Variants in TRPA1 observed in about 807,000 individuals in gnomAD.
The protein encoded by TRPA1 is transient receptor potential cation channel subfamily A member 1, also known as ankyrin-like with transmembrane domains 1.
Under a neutral mutation model 131.3 loss-of-function variants are expected in TRPA1, and 129 were observed. The ratio of observed to expected loss-of-function variants is 0.98; its 90% confidence interval spans 0.85 to 1.14. The LOEUF is 1.14. TRPA1 is among the 50% of genes most tolerant of loss of function. The pLI is 0.00. For missense variants in TRPA1, 1,304 were observed against 1,354.2 expected, an observed-to-expected ratio of 0.96 and a Z score of 0.58; for synonymous variants, 441 against 451.7, an observed-to-expected ratio of 0.98 and a Z score of 0.30.
intron 24 of TRPA1, among the ~76,000 whole-genome samples, chr8:72,027,237 T>C (rs1811641430): frequency 6.6e-6 from 1 of 152,106 alleles, no homozygotes; most frequent in Non-Finnish European, 1.5e-5. Flanking sequence ...ATAAAATACA[T>C]AGTGTGTCTT....
intron 21 of TRPA1, 140 bp downstream of exon 21, chr8:72,036,148 T>C: frequency 3.7e-6 from 3 of 819,284 alleles, no homozygotes; most frequent in Non-Finnish European, 5.8e-6. Context: ...CTTTCCTTAA[T>C]AGGGTATACA....
At chr8:72,080,390 GT>G (rs940637403), upstream of TRPA1, among the ~76,000 whole-genome samples, 3 of 99,882 alleles carry the variant, frequency 3.0e-5, no homozygotes, top group Non-Finnish European at 6.7e-5. Context: ...ATGATCACAT[GT>G]TTTTTTCTCA....
rs1231333282 is a variant in TRPA1 at position 72,023,287 on chromosome 8, G to A, written c.3150-171C>T. 20 of 737,708 alleles carry A rather than the reference G, an allele frequency of 2.7e-5. No homozygotes were observed. The East Asian group carries it at 4.8e-4, about 18-fold the overall frequency. The allele number at this position is 737,708 out of a possible 1,614,324, so 45.7% of individuals were successfully genotyped here. A position where few individuals can be genotyped will look rare whatever the true frequency, so the allele number is the denominator to read the frequency against. The stretch of plus-strand genomic sequence containing the variant: ...AAACATGTATTTTTGAAGTTTAAAT[G>A]ATTTTTCCCAAAGTTACACTGTTAG... On this transcript the variant is annotated intron_variant, in intron 26 of 26. Coordinates refer to ENST00000262209, the MANE Select transcript of TRPA1 (RefSeq NM_007332.3).
chr8:72,063,941 CTTTA>C lies in TRPA1; in HGVS notation c.553-374_553-371del. On this transcript the variant is annotated intron_variant, in intron 4 of 26. Coordinates refer to ENST00000262209, the MANE Select transcript of TRPA1 (RefSeq NM_007332.3). Reference sequence around the variant, plus strand: ...AGTGATATATCCTAGATTCTTTTCCCTTTATTTATGCAAAATTAATAAATGAATG... The same window carrying C: ...AGTGATATATCCTAGATTCTTTTCCCTTTATGCAAAATTAATAAATGAATG... 2.0e-5 allele frequency among the ~76,000 whole-genome samples: 3 copies of C among 152,116 alleles called. 1 individual carries two copies. The highest frequency in any genetic ancestry group is 6.8e-3 in the Middle Eastern group (2 of 294).
At chr8:72,069,297 T>G in intron 2 of TRPA1, 99 bp from the exon 3 acceptor site, 1 of 1,157,734 alleles carries the variant, frequency 8.6e-7, no homozygotes, top group Admixed American at 1.8e-5. Flanking sequence ...CAAGTGCAAA[T>G]GAAATCAGCT....
intron 23 of TRPA1, 131 bp from the exon 24 acceptor site, chr8:72,030,100 G>A: frequency 3.5e-6 from 3 of 868,774 alleles, no homozygotes; most frequent in Middle Eastern, 4.7e-4. Context: ...AATAGCATAA[G>A]TTAATTGCTT....
At chr8:72,056,719 T>C (rs1805675253) in intron 10 of TRPA1, among the ~76,000 whole-genome samples, 198 bp downstream of exon 10, 5 of 152,158 alleles carry the variant, frequency 3.3e-5, no homozygotes, top group Admixed American at 3.3e-4. Context: ...TCACTACAAT[T>C]AATTATCATT....
chr8:72,036,595 A>G, intron 20 of TRPA1, 138 bp from the exon 21 acceptor site: 1 of 762,366 alleles, frequency 1.3e-6, no homozygotes. Context: ...GAGTAACCTC[A>G]CGCCATCCTG....
chr8:72,056,786 T>C (rs1323805264), intron 10 of TRPA1, 131 bp downstream of exon 10: 1 of 712,332 alleles, frequency 1.4e-6, no homozygotes, highest in East Asian at 2.8e-5. Context: ...GTCAAATATG[T>C]CATCTTTATT....
At chr8:72,061,546 G>A in intron 7 of TRPA1, 79 bp downstream of exon 7, 1 of 1,548,942 alleles carries the variant, frequency 6.5e-7, no homozygotes, top group Non-Finnish European at 8.9e-7. Context: ...TAGCATTAGT[G>A]CTAACTGCTC....
chr8:72,038,651 T>C, intron 19 of TRPA1: 2 of 510,296 alleles, frequency 3.9e-6, no homozygotes, highest in Non-Finnish European at 3.4e-6. Flanking sequence ...TCAATTCTTT[T>C]TAAATTAGTT....
chr8:72,036,690 C>T (rs1011253607), intron 20 of TRPA1, among the ~76,000 whole-genome samples: 6 of 152,146 alleles, frequency 3.9e-5, no homozygotes, highest in Admixed American at 2.0e-4. Context: ...GGGAATCCGA[C>T]GCCTAAGGAA....
intron 19 of TRPA1, 29 bp downstream of exon 19, chr8:72,038,836 T>A (rs774444784): frequency 6.3e-7 from 1 of 1,588,372 alleles, no homozygotes; most frequent in South Asian, 1.1e-5. Context: ...TATAATCCTT[T>A]ATTTTAGAAA....
In TRPA1 at chr8:72,034,323, C is replaced by T. The variant is rs748240280; in HGVS notation, c.2610G>A (p.Leu870=). The T allele has an allele frequency of 1.3e-6, 2 of 1,580,694 alleles. No individual in the cohort carries two copies. The change falls in exon 22 of 27, where the codon TTG becomes TTA. Residue 870 remains leucine (L), a synonymous_variant. Transcript: ENST00000262209. ...AGATAAATACAACTGTAGACCTCAACAAAGTTTTCAAAATTACCTCCAACA... is the reference window on the plus strand; with the variant it reads ...AGATAAATACAACTGTAGACCTCAATAAAGTTTTCAAAATTACCTCCAACA... ...IVMLEVILKT[L]LRSTVVFIFL...
At chr8:72,044,079 A>G (rs1812346488) in intron 17 of TRPA1, among the ~76,000 whole-genome samples, 1 of 151,642 alleles carries the variant, frequency 6.6e-6, no homozygotes, top group South Asian at 2.1e-4. Flanking sequence ...TACCCCAACC[A>G]TTTGAAAAGT....
upstream of TRPA1, among the ~76,000 whole-genome samples, chr8:72,076,047 G>A (rs1262841279): frequency 1.3e-5 from 2 of 152,098 alleles, no homozygotes; most frequent in Admixed American, 6.5e-5. Context: ...TCTTCTGGCG[G>A]CCTCTTTGAT....
rs554348118 is a variant in TRPA1 at position 72,057,813 on chromosome 8, C to T, written c.997G>A (p.Ala333Thr). 153 of 1,611,602 alleles carry T rather than the reference C, an allele frequency of 9.5e-5. 2 individuals carry two copies. In the South Asian group the frequency reaches 1.6e-3, roughly 17 times the overall value. Residue 333 changes from alanine to threonine, a missense_variant, in exon 9 of 27, where the codon GCA becomes ACA. By Grantham distance (58) the Ala-to-Thr change is moderately conservative. Transcript: ENST00000262209. ...TCAGAATCGATCTTATTAATATCTG[C>T]TCCCTAAAAATCAAACAAACCATTC... The part of the protein sequence containing the change: ...ELADYLISVG[A>T]DINKIDSEGR...
intron 2 of TRPA1, among the ~76,000 whole-genome samples, chr8:72,069,931 G>A (rs1268669249): frequency 1.3e-5 from 2 of 152,076 alleles, no homozygotes; most frequent in Non-Finnish European, 2.9e-5. Flanking sequence ...AAATGTTAAC[G>A]AGAAAAAAGA....
chr8:72,055,326 T>C (rs1805634616), intron 12 of TRPA1, 110 bp downstream of exon 12: 1 of 879,578 alleles, frequency 1.1e-6, no homozygotes, highest in South Asian at 1.6e-5. Context: ...TGGATAAAAG[T>C]ACTTAGTGAG....
Sources: gnomAD v4.1 joint callset for allele counts (sites outside exome capture counted in the v4.1 genomes callset) on GRCh38, gnomAD v4.1.1 for gene constraint, MANE v1.5 for transcripts, NCBI Gene and HGNC (gene_info 2026-07-23, HGNC 2026-07-21) for gene names.